Variants in PPP6R2 observed in about 807,000 individuals in gnomAD.
PPP6R2 encodes protein phosphatase 6 regulatory subunit 2, also known as serine/threonine-protein phosphatase 6 regulatory subunit 2.
In PPP6R2, 62 loss-of-function variants were observed where a neutral mutation model predicts 100.2. The observed-to-expected ratio is 0.62, with a 90% CI of 0.50 to 0.76. PPP6R2 has a LOEUF of 0.76. PPP6R2 is among the 30% of genes least tolerant of loss of function. The pLI is 0.00. For synonymous variants in PPP6R2, 525 were observed against 514.7 expected, an observed-to-expected ratio of 1.02 and a Z score of -0.27; for missense variants, 1,142 against 1,276.3, an observed-to-expected ratio of 0.89 and a Z score of 1.60.
chr22:50,404,975 C>T (rs2058622113), intron 3 of PPP6R2, among the ~76,000 whole-genome samples: 1 of 152,182 alleles, frequency 6.6e-6, no homozygotes, highest in Non-Finnish European at 1.5e-5. Flanking sequence ...ATGGCTGTCA[C>T]CCACCTCTGT....
At chr22:50,393,670 G>A (rs2056129696) in intron 2 of PPP6R2, 1 of 969,562 alleles carries the variant, frequency 1.0e-6, no homozygotes, top group Admixed American at 6.2e-5. Flanking sequence ...AGCCCAACCT[G>A]GAGAGGTCTG....
chr22:50,433,210 T>G, intron 12 of PPP6R2, among the ~76,000 whole-genome samples: 3 of 134,828 alleles, frequency 2.2e-5, no homozygotes, highest in African/African-American at 5.7e-5. Flanking sequence ...GCTCTGGAGG[T>G]GAACCTGGAG....
the PPP6R2 span, among the ~76,000 whole-genome samples, chr22:50,338,045 TGTG>T: frequency 2.8e-5 from 4 of 140,370 alleles, no homozygotes; most frequent in African/African-American, 5.4e-5. Context: ...TTTGTGTATG[TGTG>T]GTGTGATGTG....
At chr22:50,419,058 C>T (rs2060943639) in intron 7 of PPP6R2, 79 bp downstream of exon 7, 4 of 1,165,786 alleles carry the variant, frequency 3.4e-6, no homozygotes, top group Non-Finnish European at 5.1e-6. Flanking sequence ...GCTCTGAGCA[C>T]CAGGATATGT....
upstream of PPP6R2, among the ~76,000 whole-genome samples, chr22:50,341,882 A>G (rs1226033326): frequency 2.6e-5 from 4 of 152,024 alleles, no homozygotes; most frequent in Admixed American, 1.3e-4. Context: ...AGTCCCAGCT[A>G]CTCGGGAGGC....
chr22:50,382,296 A>G (rs953632073), intron 2 of PPP6R2, among the ~76,000 whole-genome samples: 5 of 152,154 alleles, frequency 3.3e-5, no homozygotes, highest in African/African-American at 1.2e-4. Context: ...TCTTTTAGCA[A>G]TTGTCTGGAT....
rs371239829 is a variant in PPP6R2, at chr22:50,423,497, G to T, written c.1008G>T (p.Glu336Asp). 3.7e-6 allele frequency: 6 copies of T among 1,614,114 alleles called. No homozygotes were observed. In the African/African-American group the frequency reaches 6.7e-5, roughly 18 times the overall value. Residue 336 changes from glutamate to aspartate, a missense_variant, in exon 10 of 24, where the codon GAG (glutamate) becomes GAT (aspartate). Around this residue, in one of 2 missense-constraint regions of PPP6R2, gnomAD observed 592 missense variants for 758.9 expected, o/e 0.78. Transcript: ENST00000612753. This position sits in a 1 kb window ranked among gnomAD's most constrained non-coding sequence, Gnocchi z 4.8. Reference sequence around the variant, plus strand: ...TCCTGACCACCATTGGTGTGCTGGAGGAGCCCCTGGGGAATGCCCGTCTGC... The same window carrying T: ...TCCTGACCACCATTGGTGTGCTGGATGAGCCCCTGGGGAATGCCCGTCTGC... ...KAILTTIGVL[E>D]EPLGNARLHG...
intron 3 of PPP6R2, among the ~76,000 whole-genome samples, chr22:50,406,330 G>GAGA: frequency 6.8e-6 from 1 of 147,114 alleles, no homozygotes; most frequent in African/African-American, 2.5e-5. Context: ...GAGAGGCCTG[G>GAGA]CAGGCGAGTG....
the PPP6R2 span, among the ~76,000 whole-genome samples, chr22:50,333,816 T>C: frequency 1.3e-5 from 2 of 151,402 alleles, no homozygotes; most frequent in Non-Finnish European, 2.9e-5. Context: ...TGGAGACCGG[T>C]AGTGGCCCTG....
At chr22:50,420,237 TGA>T (rs776288862) in intron 8 of PPP6R2, among the ~76,000 whole-genome samples, 7 of 152,142 alleles carry the variant, frequency 4.6e-5, no homozygotes, top group Non-Finnish European at 8.8e-5. Context: ...ACATTTTCCC[TGA>T]GAGGCCGCAT....
intron 8 of PPP6R2, among the ~76,000 whole-genome samples, chr22:50,419,957 C>T (rs563204358): frequency 6.6e-6 from 1 of 152,272 alleles, no homozygotes; most frequent in Non-Finnish European, 1.5e-5. Flanking sequence ...TCGTGCTGAG[C>T]ACTTTTTTCC....
chr22:50,409,662 G>A (rs965631910), intron 4 of PPP6R2, among the ~76,000 whole-genome samples: 1 of 152,052 alleles, frequency 6.6e-6, no homozygotes, highest in Non-Finnish European at 1.5e-5. Flanking sequence ...TCTTGACCTC[G>A]TGATCCGCCC....
intron 2 of PPP6R2, 21 bp from the exon 3 acceptor site, chr22:50,393,872 C>T (rs765511192): frequency 6.2e-7 from 1 of 1,613,174 alleles, no homozygotes; most frequent in South Asian, 1.1e-5. Context: ...AGAGACGTGA[C>T]CCCTTTGCCC....
chr22:50,438,422 G>A (rs2064860444), intron 18 of PPP6R2, 124 bp downstream of exon 18: 2 of 1,489,724 alleles, frequency 1.3e-6, no homozygotes, highest in African/African-American at 1.4e-5. Context: ...TGCCAGCTCT[G>A]GGGCCCAATG....
chr22:50,339,375 G>A (rs1472120168), upstream of PPP6R2, among the ~76,000 whole-genome samples: 4 of 124,882 alleles, frequency 3.2e-5, no homozygotes, highest in East Asian at 7.3e-4. Context: ...TGTGGCTTGC[G>A]TGTGGTATGT....
At chr22:50,337,518 G>A in the PPP6R2 span, among the ~76,000 whole-genome samples, 1 of 146,492 alleles carries the variant, frequency 6.8e-6, no homozygotes, top group East Asian at 2.1e-4. Flanking sequence ...TGTGGGGTGT[G>A]TGCGTGTGTG....
rs1350446080 is a variant in PPP6R2, at chr22:50,440,883, C to T, written c.2436C>T (p.Ala812=). 2 of 1,613,782 alleles carry T rather than the reference C, an allele frequency of 1.2e-6. No individual in the cohort carries two copies. The highest frequency in any genetic ancestry group is 1.3e-5 in the African/African-American group (1 of 74,944). Residue 812 remains alanine (A), a synonymous_variant, in exon 22 of 24, where the codon GCC becomes GCT. Transcript: ENST00000612753. ...VCVTRKAPLL[A]SDSSSSGGSH... is the part of the protein sequence containing the mutation. ...TCACCAGGAAGGCCCCCCTGCTGGC[C>T]TCTGACAGTAGCTCCTCTGGGGGCT...
At chr22:50,367,108 G>A (rs66721116) in intron 1 of PPP6R2, among the ~76,000 whole-genome samples, 32,561 of 151,874 alleles carry the variant, frequency 0.21, 5,037 homozygotes, top group African/African-American at 0.43. Flanking sequence ...AAATACTCAC[G>A]GGCACCTAGA....
rs2066717356 is a variant in PPP6R2 at position 50,445,062 on chromosome 22, C to T, written c.*815C>T. ...GACAGGGCACCCCAAACCCCCAACT[C>T]CCAATAAAAGCCGTGACGTTCGGAC... On this transcript the variant is annotated 3_prime_UTR_variant, in exon 24 of 24. Coordinates refer to ENST00000612753, the MANE Select transcript of PPP6R2 (RefSeq NM_001242898.2). The T allele has an allele frequency of 6.5e-6, 1 of 152,760 alleles. No homozygotes were observed. The highest frequency in any genetic ancestry group is 2.4e-5 in the African/African-American group (1 of 41,456). The allele number at this position is 152,760 out of a possible 1,614,324, so 9.5% of individuals were successfully genotyped here.
Sources: allele counts gnomAD v4.1 joint callset (sites outside exome capture counted in the v4.1 genomes callset), GRCh38; gene constraint gnomAD v4.1.1; regional missense constraint gnomAD v4.1.1; non-coding constraint Gnocchi (gnomAD v3.1); transcripts MANE v1.5; gene names NCBI Gene and HGNC (gene_info 2026-07-23, HGNC 2026-07-21).